Variants in ZNF385D observed in about 807,000 individuals in gnomAD.
ZNF385D encodes zinc finger protein 659.
Under a neutral mutation model 35.8 loss-of-function variants are expected in ZNF385D, and 15 were observed. That is an observed-to-expected ratio of 0.42 (90% CI 0.28 to 0.64). The LOEUF (loss-of-function observed/expected upper bound fraction) is 0.64, where lower values mean the gene tolerates loss of function less well. Ranked by LOEUF, ZNF385D falls within the 30% of genes least tolerant of loss-of-function variation. ZNF385D has a pLI of 0.23. For synonymous variants in ZNF385D, 212 were observed against 186.8 expected (o/e 1.13, Z -1.10); for missense variants, 474 against 494.6 (o/e 0.96, Z 0.39).
intron 3 of ZNF385D, among the ~76,000 whole-genome samples, chr3:21,946,263 A>G (rs1378329142): frequency 6.6e-6 from 1 of 152,196 alleles, no homozygotes; most frequent in Non-Finnish European, 1.5e-5. Context: ...AAAGTAAAAT[A>G]TTTAATAGTC....
intron 2 of ZNF385D, among the ~76,000 whole-genome samples, chr3:22,370,106 G>C (rs1308964712): frequency 1.3e-5 from 2 of 152,084 alleles, no homozygotes; most frequent in Non-Finnish European, 2.9e-5. Flanking sequence ...TAATTGTTTT[G>C]AAAATACTGT....
At chr3:21,960,991 T>C (rs552862665) in intron 3 of ZNF385D, among the ~76,000 whole-genome samples, 1 of 152,232 alleles carries the variant, frequency 6.6e-6, no homozygotes, top group South Asian at 2.1e-4. Flanking sequence ...GGATGATTTC[T>C]GCTGACCTGT....
At chr3:21,700,213 A>G (rs182881494) in intron 1 of ZNF385D, among the ~76,000 whole-genome samples, 72 of 152,208 alleles carry the variant, frequency 4.7e-4, no homozygotes, top group African/African-American at 1.7e-3. Flanking sequence ...GGGGTTTAGC[A>G]TGGTCAAGGA....
At position 21,417,648 on chromosome 3, in the gene ZNF385D, T is replaced by A. The variant is rs970003065; in HGVS notation, c.*3566A>T. 1.2e-4 allele frequency: 18 copies of A among 152,164 alleles called. No individual in the cohort carries two copies. The highest frequency in any genetic ancestry group is 2.6e-4 in the Non-Finnish European group (18 of 67,996). The allele number at this position is 152,164 out of a possible 1,614,324, so 9.4% of individuals were successfully genotyped here. A position where few individuals can be genotyped will look rare whatever the true frequency, so the allele number is the denominator to read the frequency against. On this transcript the variant is annotated 3_prime_UTR_variant, in exon 8 of 8. Coordinates refer to ENST00000281523, the MANE Select transcript of ZNF385D (RefSeq NM_024697.3). ...TTGCTCATGTCTACTATGTGTTGGT[T>A]TGTGCCTTAGAAACTCAAATAGGCA...
intron 4 of ZNF385D, among the ~76,000 whole-genome samples, chr3:21,453,453 T>A (rs1228578503): frequency 6.6e-6 from 1 of 151,984 alleles, no homozygotes; most frequent in East Asian, 1.9e-4. Context: ...GGAGAAAATA[T>A]TTGTAAATTA....
chr3:22,139,829 A>G (rs1017339277), intron 3 of ZNF385D, among the ~76,000 whole-genome samples: 5 of 152,236 alleles, frequency 3.3e-5, no homozygotes, highest in Admixed American at 6.5e-5. Flanking sequence ...AACAAAACAC[A>G]TGAGAAGATA....
intron 2 of ZNF385D, among the ~76,000 whole-genome samples, chr3:21,583,277 T>C (rs2063717948): frequency 6.6e-6 from 1 of 152,198 alleles, no homozygotes; most frequent in African/African-American, 2.4e-5. Context: ...GCAAGCACAT[T>C]GAGAAACACT....
At chr3:21,568,083 T>G (rs533945963) in intron 2 of ZNF385D, among the ~76,000 whole-genome samples, 3 of 152,298 alleles carry the variant, frequency 2.0e-5, no homozygotes, top group African/African-American at 7.2e-5. Context: ...GAATTACCTT[T>G]TAAAATGGAT....
intron 1 of ZNF385D, among the ~76,000 whole-genome samples, chr3:21,665,617 T>C (rs2066381704): frequency 6.6e-6 from 1 of 152,192 alleles, no homozygotes; most frequent in South Asian, 2.1e-4. Flanking sequence ...TCAGCACCCC[T>C]ACAGCTCTGA....
chr3:21,826,558 A>G (rs1238933406), intron 3 of ZNF385D, among the ~76,000 whole-genome samples: 1 of 152,122 alleles, frequency 6.6e-6, no homozygotes, highest in Admixed American at 6.5e-5. Flanking sequence ...CTTTTTTTAG[A>G]AAGTGTGAAT....
At chr3:21,688,753 T>C (rs780333935) in intron 1 of ZNF385D, among the ~76,000 whole-genome samples, 5 of 152,192 alleles carry the variant, frequency 3.3e-5, no homozygotes, top group Non-Finnish European at 7.4e-5. Flanking sequence ...CCAAGCTCTA[T>C]AATTTTTAAA....
At chr3:21,986,468 T>C (rs1382115545) in intron 3 of ZNF385D, among the ~76,000 whole-genome samples, 4 of 114,550 alleles carry the variant, frequency 3.5e-5, no homozygotes, top group Non-Finnish European at 6.6e-5. Context: ...TTCCATGTAG[T>C]TGAGCAGCTT....
chr3:22,362,806 C>A (rs1257917364), intron 2 of ZNF385D, among the ~76,000 whole-genome samples: 1 of 152,058 alleles, frequency 6.6e-6, no homozygotes. Flanking sequence ...TGTTTAGACT[C>A]TGACAGCTAT....
intron 3 of ZNF385D, among the ~76,000 whole-genome samples, chr3:21,876,089 CATAAT>C (rs1456663637): frequency 3.9e-5 from 6 of 152,024 alleles, no homozygotes; most frequent in Admixed American, 6.6e-5. Context: ...TATTTTCACA[CATAAT>C]ATAATATTCA....
intron 3 of ZNF385D, among the ~76,000 whole-genome samples, chr3:21,786,156 G>T (rs1278802663): frequency 6.6e-6 from 1 of 152,102 alleles, no homozygotes; most frequent in East Asian, 1.9e-4. Context: ...ACAGAACTGG[G>T]ACTCAAACTC....
chr3:21,975,627 T>C (rs1204330100), intron 3 of ZNF385D, among the ~76,000 whole-genome samples: 1 of 151,252 alleles, frequency 6.6e-6, no homozygotes, highest in Non-Finnish European at 1.5e-5. Context: ...TTTTTACACA[T>C]TGTATACTTT....
chr3:21,791,652 G>C (rs2071930448), intron 3 of ZNF385D, among the ~76,000 whole-genome samples: 1 of 152,162 alleles, frequency 6.6e-6, no homozygotes, highest in Admixed American at 6.5e-5. Context: ...CTAACATTAT[G>C]AATCAAAATG....
At chr3:21,445,139 G>A (rs948583914) in intron 4 of ZNF385D, among the ~76,000 whole-genome samples, 59 of 152,160 alleles carry the variant, frequency 3.9e-4, no homozygotes, top group African/African-American at 1.3e-3. Context: ...CCACATCTCC[G>A]AAATGTTCTT....
At chr3:21,926,122 G>T (rs1467500824) in intron 3 of ZNF385D, among the ~76,000 whole-genome samples, 2 of 149,320 alleles carry the variant, frequency 1.3e-5, no homozygotes, top group East Asian at 4.0e-4. Context: ...ATGCAGTTTG[G>T]ATATTTGCCC....
Sources: allele counts gnomAD v4.1 joint callset (sites outside exome capture counted in the v4.1 genomes callset), GRCh38; gene constraint gnomAD v4.1.1; transcripts MANE v1.5; gene names NCBI Gene and HGNC (gene_info 2026-07-23, HGNC 2026-07-21).